The following SNCAIP variants were observed in gnomAD, a reference collection of about 807,000 sequenced individuals.
The protein encoded by SNCAIP is synuclein alpha interacting protein, also known as synphilin-1.
In SNCAIP, 43 loss-of-function variants were observed where a neutral mutation model predicts 86.7. The observed-to-expected ratio is 0.50, with a 90% confidence interval of 0.39 to 0.64. The LOEUF (loss-of-function observed/expected upper bound fraction) is 0.64, where lower values mean the gene tolerates loss of function less well. Among genes scored for constraint, SNCAIP ranks in the 30% least tolerant of loss-of-function variants. The pLI, the probability that SNCAIP is intolerant of heterozygous loss-of-function variation, is 0.00. For missense variants in SNCAIP, 981 were observed against 1,103.1 expected (o/e 0.89, Z 1.57); for synonymous variants, 417 against 427.2 (o/e 0.98, Z 0.29).
chr5:122,443,541 C>A, intron 7 of SNCAIP: 1 of 454,040 alleles, frequency 2.2e-6, no homozygotes. Context: ...AGTCTTACTT[C>A]TGATTCAAAG....
At position 122,455,540 on chromosome 5, in the gene SNCAIP, T is replaced by C. The variant is rs115099303; in HGVS notation, c.2754+3939T>C. ...GACTTTGGAAGTCAGTGGCAGTCATTGGGTTGGAGTTGGGGCCAAATGTTA... is the reference window on the plus strand; with the variant it reads ...GACTTTGGAAGTCAGTGGCAGTCATCGGGTTGGAGTTGGGGCCAAATGTTA... On this transcript the variant is annotated intron_variant, in intron 10 of 10. Coordinates refer to ENST00000261368, the MANE Select transcript of SNCAIP (RefSeq NM_005460.4). 1.4e-3 allele frequency among the ~76,000 whole-genome samples: 216 copies of C among 152,274 alleles called. 1 individual carries two copies. The highest frequency in any genetic ancestry group is 5.0e-3 in the African/African-American group (206 of 41,558).
In SNCAIP at chr5:122,425,301, G is replaced by T. The variant is rs138795228; in HGVS notation, c.1003-51G>T. 2,137 of 1,430,064 alleles carry T rather than the reference G, an allele frequency of 1.5e-3. 29 individuals are homozygous for T. In the African/African-American group the frequency reaches 0.027, roughly 18 times the overall value. The allele number at this position is 1,430,064 out of a possible 1,614,324, so 88.6% of individuals were successfully genotyped here. A position where few individuals can be genotyped will look rare whatever the true frequency, so the allele number is the denominator to read the frequency against. On this transcript the variant is annotated intron_variant, in intron 4 of 10. Transcript: ENST00000261368. ...GTGCCCAGAGAAAAACTCCTACAGG[G>T]TCTTGCTCTGATTTATTGACTTGGG...
chr5:122,313,657 A>G (rs970928327), intron 1 of SNCAIP, among the ~76,000 whole-genome samples: 19 of 152,398 alleles, frequency 1.2e-4, no homozygotes, highest in African/African-American at 4.3e-4. Flanking sequence ...GAGAAAGTCT[A>G]TTGACTGTTT....
intron 1 of SNCAIP, among the ~76,000 whole-genome samples, chr5:122,368,920 T>C (rs1046986402): frequency 6.6e-6 from 1 of 152,232 alleles, no homozygotes; most frequent in South Asian, 2.1e-4. Flanking sequence ...AGTAAGAGAT[T>C]TGGTAATTCC....
intron 1 of SNCAIP, among the ~76,000 whole-genome samples, chr5:122,352,166 G>A (rs753036892): frequency 2.0e-5 from 3 of 152,020 alleles, no homozygotes; most frequent in Non-Finnish European, 2.9e-5. Flanking sequence ...AGACACTCCC[G>A]GAAAAACGAG....
At chr5:122,380,242 T>A (rs1037017245) in intron 1 of SNCAIP, among the ~76,000 whole-genome samples, 3 of 152,236 alleles carry the variant, frequency 2.0e-5, no homozygotes, top group Admixed American at 6.5e-5. Context: ...TATTCAGAGA[T>A]TCAACTTCTT....
intron 10 of SNCAIP, among the ~76,000 whole-genome samples, chr5:122,456,984 A>T (rs1054026287): frequency 6.6e-6 from 1 of 152,118 alleles, no homozygotes; most frequent in Non-Finnish European, 1.5e-5. Context: ...CTGTAGTTTC[A>T]TGTTTTTTAT....
At chr5:122,445,067 C>G (rs1463510362) in intron 8 of SNCAIP, among the ~76,000 whole-genome samples, 2 of 152,166 alleles carry the variant, frequency 1.3e-5, no homozygotes, top group African/African-American at 4.8e-5. Context: ...GGCATCATCT[C>G]CAAACTTTTG....
Position 122,423,062 on chromosome 5 carries a change from G to T in SNCAIP, c.325G>T (p.Gly109Cys), listed in dbSNP as rs770918170. 1.2e-5 allele frequency: 20 copies of T among 1,614,068 alleles called. No homozygotes were observed. Among genetic ancestry groups the T allele is most frequent in the Non-Finnish European group, 1.7e-5 (20 of 1,180,000 alleles). Residue 109 changes from glycine (G) to cysteine (C), a missense_variant, in exon 4 of 11, where the codon GGT becomes TGT. Transcript: ENST00000261368. ...GAAAGTGGTTGAGTACCAGAAAGGG[G>T]GTGAGTCTGACCTGGGCCCCCAGCC... ...NQKVVEYQKG[G>C]ESDLGPQPQE...
chr5:122,416,439 T>G (rs304392), intron 3 of SNCAIP, among the ~76,000 whole-genome samples: 1 of 151,928 alleles, frequency 6.6e-6, no homozygotes, highest in Non-Finnish European at 1.5e-5. Flanking sequence ...TGTAGCATCA[T>G]TGAAAAGGAT....
intron 1 of SNCAIP, among the ~76,000 whole-genome samples, chr5:122,358,969 G>A (rs779752265): frequency 6.6e-6 from 1 of 152,102 alleles, no homozygotes; most frequent in Non-Finnish European, 1.5e-5. Context: ...AAATCACATA[G>A]ATTAAAAAAT....
intron 3 of SNCAIP, among the ~76,000 whole-genome samples, chr5:122,414,056 C>G (rs1208486455): frequency 6.6e-6 from 1 of 152,012 alleles, no homozygotes; most frequent in Non-Finnish European, 1.5e-5. Flanking sequence ...ACTACAGGAG[C>G]AAGCCACCAT....
At chr5:122,410,778 G>A (rs1467078793) in intron 3 of SNCAIP, among the ~76,000 whole-genome samples, 7 of 152,176 alleles carry the variant, frequency 4.6e-5, no homozygotes, top group South Asian at 2.1e-4. Context: ...AGCCAAGATC[G>A]TGCCACTGCA....
chr5:122,332,334 A>G (rs1012956120), intron 1 of SNCAIP, among the ~76,000 whole-genome samples: 14 of 152,234 alleles, frequency 9.2e-5, no homozygotes, highest in Non-Finnish European at 2.1e-4. Flanking sequence ...GAGTAAAGGT[A>G]CATTTCTCCT....
intron 2 of SNCAIP, among the ~76,000 whole-genome samples, chr5:122,397,436 C>T (rs1770851724): frequency 6.6e-6 from 1 of 152,068 alleles, no homozygotes; most frequent in African/African-American, 2.4e-5. Context: ...TCCTGATGCA[C>T]TCTTAAAATG....
Position 122,450,798 on chromosome 5 carries a change from A to G in SNCAIP, c.1951A>G (p.Asn651Asp), listed in dbSNP as rs1222797566. The stretch of plus-strand genomic sequence containing the variant: ...CCAGGATGCTCAGGCTTCCTCTAGA[A>G]ATTCTAAAAAGATCCCACTGGAGAA... ...EFQDAQASSR[N>D]SKKIPLEKRE... is the part of the protein sequence containing the mutation. The change falls in exon 10 of 11, where the codon AAT becomes GAT. Residue 651 changes from asparagine to aspartate, a missense_variant. Coordinates refer to ENST00000261368, the MANE Select transcript of SNCAIP (RefSeq NM_005460.4). The G allele has an allele frequency of 1.2e-6, 2 of 1,614,152 alleles. No homozygotes were observed. Among genetic ancestry groups the G allele is most frequent in the Non-Finnish European group, 1.7e-6 (2 of 1,180,004 alleles).
chr5:122,425,650 A>G (rs373093701), intron 5 of SNCAIP, 119 bp downstream of exon 5: 18 of 813,650 alleles, frequency 2.2e-5, no homozygotes, highest in South Asian at 8.8e-5. Context: ...GCAAAGAGCA[A>G]ATGAACATAT....
rs1033773081 is a variant in SNCAIP at position 122,313,693 on chromosome 5, A to G, written c.-47+1409A>G. On this transcript the variant is annotated intron_variant, in intron 1 of 10. Transcript: ENST00000261368. ...CTGATGCATCTCAATGTTAAATTACATTCAGCATGGTTAGAGTACAAGGAG... is the reference window on the plus strand; with the variant it reads ...CTGATGCATCTCAATGTTAAATTACGTTCAGCATGGTTAGAGTACAAGGAG... 2.0e-5 allele frequency among the ~76,000 whole-genome samples: 3 copies of G among 152,274 alleles called. 1 individual carries two copies. Among genetic ancestry groups the G allele is most frequent in the African/African-American group, 4.8e-5 (2 of 41,470 alleles).
intron 2 of SNCAIP, chr5:122,400,939 T>A (rs1377735207): frequency 6.7e-7 from 1 of 1,499,006 alleles, no homozygotes; most frequent in African/African-American, 1.4e-5. Context: ...GAAAATGTAA[T>A]GCTTCTTCAT....
Sources: gnomAD v4.1 joint callset for allele counts (sites outside exome capture counted in the v4.1 genomes callset) on GRCh38, gnomAD v4.1.1 for gene constraint, MANE v1.5 for transcripts, NCBI Gene and HGNC (gene_info 2026-07-23, HGNC 2026-07-21) for gene names.